CDK2AP1: variants seen among roughly 807,000 people sequenced by gnomAD.
The protein encoded by CDK2AP1 is cyclin-dependent kinase 2-associated protein 1.
Under a neutral mutation model 14.1 loss-of-function variants are expected in CDK2AP1, and 10 were observed. The observed-to-expected ratio is 0.71, with a 90% confidence interval of 0.44 to 1.20. The LOEUF is 1.20. Ranked by LOEUF, CDK2AP1 falls within the 50% of genes most tolerant of loss-of-function variation. The probability of loss-of-function intolerance (pLI) is 0.00; values close to 1 mark genes in which losing one functional copy is unlikely to be tolerated. For missense variants in CDK2AP1, 102 were observed against 149.9 expected, an observed-to-expected ratio of 0.68 and a Z score of 1.67; for synonymous variants, 59 against 59.8, an observed-to-expected ratio of 0.99 and a Z score of 0.06.
At chr12:123,271,252 A>T (rs2048351485) in intron 1 of CDK2AP1, 2 of 150,808 alleles carry the variant, frequency 1.3e-5, no homozygotes, top group Admixed American at 1.4e-4. Context: ...AGGAAAAAGG[A>T]GCCGAGAACA....
intron 1 of CDK2AP1, among the ~76,000 whole-genome samples, chr12:123,268,510 CG>C (rs1054170445): frequency 2.9e-4 from 44 of 152,366 alleles, no homozygotes; most frequent in African/African-American, 2.4e-4. Context: ...TCTCCGAGAA[CG>C]GGGACCGTTC....
rs764436935 is a variant in CDK2AP1 at position 123,267,294 on chromosome 12, G to GGA, written c.56-14_56-13dup. ...GTGGACACTCCCAGCTGTGGGGTGG[G>GGA]GAGAGAGAGGCCAGGAGTCAGCTCA... On this transcript the variant is annotated splice_polypyrimidine_tract_variant and intron_variant, in intron 1 of 3. Transcript: ENST00000261692. 1.3e-6 allele frequency: 2 copies of GGA among 1,560,924 alleles called. No homozygotes were observed. Among genetic ancestry groups the GGA allele is most frequent in the Admixed American group, 3.3e-5 (2 of 59,898 alleles).
Position 123,265,421 on chromosome 12 carries a change from T to C in CDK2AP1, c.154-99A>G, listed in dbSNP as rs1392937736. The stretch of plus-strand genomic sequence containing the variant: ...AGGAGGCTGAGGCAGGAGAACTGCT[T>C]GGACCCAGGAGGTGGAAGTTGCAGT... On this transcript the variant is annotated intron_variant, in intron 2 of 3. Coordinates refer to ENST00000261692, the MANE Select transcript of CDK2AP1 (RefSeq NM_004642.4). The surrounding 1 kb of genome is among the most constrained non-coding windows in gnomAD (Gnocchi z 5.3). 12 of 1,200,078 alleles carry C rather than the reference T, an allele frequency of 1.0e-5. No homozygotes were observed. Among genetic ancestry groups the C allele is most frequent in the Non-Finnish European group, 1.5e-5 (12 of 824,304 alleles). The allele number at this position is 1,200,078 out of a possible 1,614,324, so 74.3% of individuals were successfully genotyped here.
At chr12:123,268,918 A>T (rs1168478171) in intron 1 of CDK2AP1, among the ~76,000 whole-genome samples, 1 of 152,118 alleles carries the variant, frequency 6.6e-6, no homozygotes, top group Non-Finnish European at 1.5e-5. Context: ...CTGGGTTCTG[A>T]TCCTGGTCAC....
At chr12:123,271,899 C>T (rs1175410781), upstream of CDK2AP1, 29 of 146,420 alleles carry the variant, frequency 2.0e-4, no homozygotes, top group Admixed American at 2.0e-3. Flanking sequence ...GGGGGCGGCC[C>T]GGCGTCAGGG....
At chr12:123,269,742 C>T (rs2048336676) in intron 1 of CDK2AP1, among the ~76,000 whole-genome samples, 2 of 152,124 alleles carry the variant, frequency 1.3e-5, no homozygotes, top group Admixed American at 6.5e-5. Context: ...GGCCAGGCCG[C>T]GGCTTGGCAA....
intron 3 of CDK2AP1, among the ~76,000 whole-genome samples, chr12:123,264,522 G>A (rs961219574): frequency 6.9e-6 from 1 of 145,272 alleles, no homozygotes. Context: ...TCTTGAATGC[G>A]TTCATGGGCT....
chr12:123,270,203 G>A (rs1370091507), intron 1 of CDK2AP1: 8 of 984,386 alleles, frequency 8.1e-6, no homozygotes, highest in African/African-American at 1.7e-5. Context: ...TCTTTGTAAG[G>A]TCTGCGGACC....
At chr12:123,269,397 C>T (rs1317874819) in intron 1 of CDK2AP1, among the ~76,000 whole-genome samples, 1 of 152,202 alleles carries the variant, frequency 6.6e-6, no homozygotes, top group African/African-American at 2.4e-5. Context: ...CTCCCTTGTT[C>T]GGGGGCGGGG....
chr12:123,267,086 T>C (rs953211983), intron 2 of CDK2AP1, 99 bp downstream of exon 2: 10 of 798,632 alleles, frequency 1.3e-5, no homozygotes, highest in South Asian at 1.1e-4. Flanking sequence ...GTCCCATCCT[T>C]TCTGCTCCTT....
chr12:123,272,101 G>C (rs1427266014), upstream of CDK2AP1: 1 of 151,596 alleles, frequency 6.6e-6, no homozygotes, highest in Non-Finnish European at 1.5e-5. Context: ...AGGGCGAACC[G>C]GAATCCGAAG....
intron 2 of CDK2AP1, among the ~76,000 whole-genome samples, chr12:123,266,742 C>T (rs1471970835): frequency 2.0e-5 from 3 of 152,204 alleles, no homozygotes; most frequent in Non-Finnish European, 2.9e-5. Flanking sequence ...TACTGGCCCT[C>T]GACAAAAGGC....
Position 123,261,393 on chromosome 12 carries a change from C to A in CDK2AP1, c.*343G>T, listed in dbSNP as rs1462444674. 6 of 232,056 alleles carry A rather than the reference C, an allele frequency of 2.6e-5. No individual in the cohort carries two copies. The highest frequency in any genetic ancestry group is 3.4e-5 in the Non-Finnish European group (4 of 116,482). The allele number at this position is 232,056 out of a possible 1,614,324, so 14.4% of individuals were successfully genotyped here. A position where few individuals can be genotyped will look rare whatever the true frequency, so the allele number is the denominator to read the frequency against. On this transcript the variant is annotated 3_prime_UTR_variant, in exon 4 of 4. Transcript: ENST00000261692. ...GCTTATGAAAAGGAACAAAGAACAC[C>A]ATGGGTAACAAATGTATACAAAAGA...
At position 123,261,720 on chromosome 12, in the gene CDK2AP1, A is replaced by G; in HGVS notation, c.*16T>C. 1 of 1,608,516 alleles carries G rather than the reference A, an allele frequency of 6.2e-7. No individual in the cohort carries two copies. The highest frequency in any genetic ancestry group is 1.1e-5 in the South Asian group (1 of 90,978). On this transcript the variant is annotated 3_prime_UTR_variant, in exon 4 of 4. Transcript: ENST00000261692. ...TCTTGTAAAAAGATGGAAATCCTTC[A>G]AAACCAACAAGGCAGCTAGGATCTG... is the stretch of plus-strand genomic sequence containing the variant.
intron 1 of CDK2AP1, chr12:123,271,143 T>G: frequency 4.2e-6 from 2 of 475,860 alleles, no homozygotes; most frequent in Non-Finnish European, 5.4e-6. Context: ...ACGACCCCGC[T>G]CCCCAGGGCG....
In CDK2AP1 at chr12:123,267,246, G is replaced by A. The variant is rs748676525; in HGVS notation, c.92C>T (p.Thr31Met). ...SVHSPSTSMA[T>M]SSQYRQLLSD... ...GAGCAGCTGGCGGTACTGTGAAGAC[G>A]TTGCCATGCTGGTGGAAGGCGAGTG... Residue 31 changes from threonine (T) to methionine (M), a missense_variant, in exon 2 of 4, where the codon ACG (threonine) becomes ATG (methionine). Transcript: ENST00000261692. 14 of 1,613,260 alleles carry A rather than the reference G, an allele frequency of 8.7e-6. No homozygotes were observed. Among genetic ancestry groups the A allele is most frequent in the Admixed American group, 5.0e-5 (3 of 59,986 alleles).
chr12:123,270,812 ACCCACTGCC>A, intron 1 of CDK2AP1: 1 of 983,600 alleles, frequency 1.0e-6, no homozygotes, highest in Non-Finnish European at 1.2e-6. Flanking sequence ...CGTCCACGTG[ACCCACTGCC>A]CCCACGCCCG....
Position 123,261,610 on chromosome 12 carries a change from T to C in CDK2AP1, c.*126A>G. 1.4e-6 allele frequency: 1 copy of C among 727,166 alleles called. No individual in the cohort carries two copies. Among genetic ancestry groups the C allele is most frequent in the South Asian group, 1.7e-5 (1 of 60,496 alleles). 45.0% of individuals were successfully genotyped at this position (727,166 alleles called of 1,614,324 possible). ...TTGAGACTGTAGGTTCAGAGCCAAG[T>C]GAACCATGGGAGGAAAAACGAAACT... On this transcript the variant is annotated 3_prime_UTR_variant, in exon 4 of 4. Transcript: ENST00000261692.
rs571750351 is a variant in CDK2AP1 at position 123,265,545 on chromosome 12, G to C, written c.154-223C>G. On this transcript the variant is annotated intron_variant, in intron 2 of 3. Coordinates refer to ENST00000261692, the MANE Select transcript of CDK2AP1 (RefSeq NM_004642.4). The surrounding 1 kb of genome is among the most constrained non-coding windows in gnomAD (Gnocchi z 5.3). Reference sequence around the variant, plus strand: ...AAGGGTTCAGCAGCCTGACCCCAAGGCCACAGGCAGGTGGGTGGAGAGGGC... The same window carrying C: ...AAGGGTTCAGCAGCCTGACCCCAAGCCCACAGGCAGGTGGGTGGAGAGGGC... Among the ~76,000 whole-genome samples, 531 of 151,276 alleles carry C rather than the reference G, an allele frequency of 3.5e-3. 2 individuals are homozygous for C. Among genetic ancestry groups the C allele is most frequent in the Middle Eastern group, 7.1e-3 (2 of 282 alleles).
Sources: allele counts gnomAD v4.1 joint callset (sites outside exome capture counted in the v4.1 genomes callset), GRCh38; gene constraint gnomAD v4.1.1; non-coding constraint Gnocchi (gnomAD v3.1); transcripts MANE v1.5; gene names NCBI Gene and HGNC (gene_info 2026-07-23, HGNC 2026-07-21).